The following AGBL4 variants were observed in gnomAD, a reference collection of about 807,000 sequenced individuals.
AGBL4 encodes the protein AGBL carboxypeptidase 4.
Under a neutral mutation model 66.4 loss-of-function variants are expected in AGBL4, and 58 were observed. The observed-to-expected ratio is 0.87, with a 90% CI of 0.71 to 1.09. The LOEUF (loss-of-function observed/expected upper bound fraction) is 1.09. AGBL4 is among the 50% of genes least tolerant of loss of function. The pLI is 0.00. For synonymous variants in AGBL4, 234 were observed against 222.9 expected, an observed-to-expected ratio of 1.05 and a Z score of -0.44; for missense variants, 579 against 631.0, an observed-to-expected ratio of 0.92 and a Z score of 0.88.
At chr1:49,284,782 T>C (rs1240345642) in intron 3 of AGBL4, among the ~76,000 whole-genome samples, 1 of 151,184 alleles carries the variant, frequency 6.6e-6, no homozygotes, top group Non-Finnish European at 1.5e-5. Flanking sequence ...AAGAAGGCCA[T>C]TACATAATGG....
At chr1:48,705,744 G>C (rs1205070526) in intron 6 of AGBL4, among the ~76,000 whole-genome samples, 1 of 152,180 alleles carries the variant, frequency 6.6e-6, no homozygotes, top group Non-Finnish European at 1.5e-5. Context: ...CAATTAAATA[G>C]AAAGCAGAGG....
At chr1:49,917,611 T>G (rs1429663005) in intron 1 of AGBL4, among the ~76,000 whole-genome samples, 2 of 152,066 alleles carry the variant, frequency 1.3e-5, no homozygotes, top group Non-Finnish European at 2.9e-5. Flanking sequence ...ACAAAGAGAC[T>G]TAGACTCCCA....
At chr1:48,945,649 G>A (rs1005282206) in intron 5 of AGBL4, among the ~76,000 whole-genome samples, 7 of 152,144 alleles carry the variant, frequency 4.6e-5, no homozygotes, top group African/African-American at 1.4e-4. Flanking sequence ...CAGTTAGAAG[G>A]GGGAAAAAAC....
chr1:49,565,000 G>A lies in AGBL4; in HGVS notation c.282+132313C>T, dbSNP rs4926819. On this transcript the variant is annotated intron_variant, in intron 3 of 13. Transcript: ENST00000371839. ...ATGAATCTGGGTGCTCCTGTATTGG[G>A]TGCATATATATTTAGGATAGCTAGT... Among the ~76,000 whole-genome samples the A allele has an allele frequency of 2.0e-5, 3 of 149,388 alleles. No homozygotes were observed. The East Asian group carries it at 5.8e-4, about 29-fold the overall frequency.
At chr1:49,881,062 C>T (rs1461766912) in intron 1 of AGBL4, among the ~76,000 whole-genome samples, 6 of 152,230 alleles carry the variant, frequency 3.9e-5, no homozygotes, top group African/African-American at 2.4e-5. Context: ...CACTGTCTGG[C>T]ACTCCCTAGT....
At chr1:49,128,876 AT>A (rs1645822198) in intron 4 of AGBL4, among the ~76,000 whole-genome samples, 1 of 152,186 alleles carries the variant, frequency 6.6e-6, no homozygotes, top group Admixed American at 6.6e-5. Context: ...AATGGACTAT[AT>A]AAAAATTAAA....
chr1:48,579,693 G>A (rs1161896360), intron 11 of AGBL4, among the ~76,000 whole-genome samples: 1 of 148,826 alleles, frequency 6.7e-6, no homozygotes, highest in African/African-American at 2.5e-5. Flanking sequence ...GATGGATCAC[G>A]AGGTCAGGAG....
At chr1:49,343,065 T>C (rs916541391) in intron 3 of AGBL4, among the ~76,000 whole-genome samples, 9 of 152,188 alleles carry the variant, frequency 5.9e-5, no homozygotes, top group Admixed American at 4.6e-4. Context: ...CTTTATGCTT[T>C]TTTTTTTCTT....
chr1:48,877,574 C>T (rs985585244), intron 5 of AGBL4, among the ~76,000 whole-genome samples: 6 of 151,542 alleles, frequency 4.0e-5, no homozygotes, highest in African/African-American at 1.2e-4. Context: ...AGAAATGCAA[C>T]AAAATAAAAA....
At chr1:48,663,362 C>A (rs1440842550) in intron 6 of AGBL4, 121 bp from the exon 7 acceptor site, 8 of 865,986 alleles carry the variant, frequency 9.2e-6, no homozygotes, top group African/African-American at 1.6e-5. Flanking sequence ...CCTCTTAAAC[C>A]ACTGGGTTAG....
At chr1:49,182,060 A>G (rs1646938944) in intron 4 of AGBL4, among the ~76,000 whole-genome samples, 1 of 152,204 alleles carries the variant, frequency 6.6e-6, no homozygotes, top group Non-Finnish European at 1.5e-5. Context: ...TACAGTAAGC[A>G]GGGGTGAGAA....
chr1:49,028,465 A>G (rs1663916423), intron 5 of AGBL4, among the ~76,000 whole-genome samples: 1 of 152,188 alleles, frequency 6.6e-6, no homozygotes, highest in Non-Finnish European at 1.5e-5. Context: ...TACATCCAAT[A>G]AGTTCACCAA....
intron 4 of AGBL4, among the ~76,000 whole-genome samples, chr1:49,073,137 C>G (rs1308680462): frequency 6.6e-6 from 1 of 152,134 alleles, no homozygotes; most frequent in Non-Finnish European, 1.5e-5. Context: ...TTCTAGTTAG[C>G]AATTCATCTA....
intron 4 of AGBL4, among the ~76,000 whole-genome samples, chr1:49,119,937 C>T (rs1002942122): frequency 2.0e-5 from 3 of 152,102 alleles, no homozygotes; most frequent in Non-Finnish European, 4.4e-5. Flanking sequence ...TATGTAATGG[C>T]CTTCTTTGTC....
chr1:48,765,011 C>T (rs1261102852), intron 6 of AGBL4, among the ~76,000 whole-genome samples: 2 of 152,180 alleles, frequency 1.3e-5, no homozygotes, highest in African/African-American at 4.8e-5. Flanking sequence ...AGGCTCTAAG[C>T]TCTTCCATCT....
At chr1:49,556,079 C>T (rs762676295) in intron 3 of AGBL4, among the ~76,000 whole-genome samples, 1 of 151,908 alleles carries the variant, frequency 6.6e-6, no homozygotes, top group African/African-American at 2.4e-5. Context: ...CACATGCACA[C>T]GTATGTTTAT....
intron 3 of AGBL4, among the ~76,000 whole-genome samples, chr1:49,525,751 G>C (rs1380041469): frequency 6.6e-6 from 1 of 151,942 alleles, no homozygotes; most frequent in Non-Finnish European, 1.5e-5. Context: ...AAAGTGTATC[G>C]TGAGGAGACA....
intron 6 of AGBL4, among the ~76,000 whole-genome samples, chr1:48,821,599 G>A (rs1469205687): frequency 6.6e-6 from 1 of 152,116 alleles, no homozygotes; most frequent in Admixed American, 6.6e-5. Context: ...CAAAAGCTGC[G>A]AGAGTGGGAG....
intron 5 of AGBL4, among the ~76,000 whole-genome samples, chr1:48,984,159 A>G (rs2798697): frequency 0.97 from 148,120 of 152,062 alleles, 72,249 homozygotes; most frequent in East Asian, 1. Context: ...GCTCAGGGAA[A>G]GTTGCTACAA....
Sources: allele counts gnomAD v4.1 joint callset (sites outside exome capture counted in the v4.1 genomes callset), GRCh38; gene constraint gnomAD v4.1.1; transcripts MANE v1.5; gene names NCBI Gene and HGNC (gene_info 2026-07-23, HGNC 2026-07-21).